Variants in RARB observed in about 807,000 individuals in gnomAD.
The protein encoded by RARB is retinoic acid receptor beta.
Under a neutral mutation model 51.9 loss-of-function variants are expected in RARB, and 17 were observed. That is an observed-to-expected ratio of 0.33 (90% CI 0.22 to 0.49). The LOEUF (loss-of-function observed/expected upper bound fraction) is 0.49. Ranked by LOEUF, RARB falls within the 20% of genes least tolerant of loss-of-function variation. RARB has a pLI of 0.99. For missense variants in RARB, 369 were observed against 550.8 expected (o/e 0.67, Z 3.30); for synonymous variants, 215 against 195.4 (o/e 1.10, Z -0.84).
Position 25,476,298 on chromosome 3 carries a change from A to G in RARB, c.306+14957A>G, listed in dbSNP as rs1026790351. 2.0e-5 allele frequency among the ~76,000 whole-genome samples: 3 copies of G among 152,260 alleles called. No homozygotes were observed. The South Asian group carries it at 6.2e-4, about 32-fold the overall frequency. Reference sequence around the variant, plus strand: ...AATGATTTTTTGTTTTCCCATAACCATGTGGTTCTCAGTGTACTTGTCTTG... The same window carrying G: ...AATGATTTTTTGTTTTCCCATAACCGTGTGGTTCTCAGTGTACTTGTCTTG... On this transcript the variant is annotated intron_variant, in intron 2 of 7. Coordinates refer to ENST00000330688, the MANE Select transcript of RARB (RefSeq NM_000965.5).
chr3:25,516,598 A>G (rs1471030719), intron 3 of RARB, among the ~76,000 whole-genome samples: 3 of 150,142 alleles, frequency 2.0e-5, no homozygotes, highest in Non-Finnish European at 4.4e-5. Flanking sequence ...TGTGAGTTCT[A>G]GATTTATCAA....
rs1415782124 is a variant in RARB, at chr3:25,428,500, C to T, written c.-232C>T. On this transcript the variant is annotated 5_prime_UTR_variant, in exon 1 of 8. Transcript: ENST00000330688. ...GGATCTTTCTGGGAACCCCCCGCCC[C>T]GGCTGGATTGGCCGAGCAAGCCTGG... 5.5e-6 allele frequency: 7 copies of T among 1,266,380 alleles called. No individual in the cohort carries two copies. The East Asian group carries it at 1.5e-4, about 27-fold the overall frequency. The allele number at this position is 1,266,380 out of a possible 1,614,324, so 78.4% of individuals were successfully genotyped here. A position where few individuals can be genotyped will look rare whatever the true frequency, so the allele number is the denominator to read the frequency against.
intron 2 of RARB, among the ~76,000 whole-genome samples, chr3:24,945,552 T>C (rs918209023): frequency 6.6e-6 from 1 of 152,234 alleles, no homozygotes; most frequent in Non-Finnish European, 1.5e-5. Context: ...TGTGATTCTT[T>C]CTCTGGGTGT....
intron 2 of RARB, among the ~76,000 whole-genome samples, chr3:25,040,036 T>C (rs898472559): frequency 1.3e-5 from 2 of 152,198 alleles, no homozygotes; most frequent in South Asian, 2.1e-4. Context: ...TCTCCTGATA[T>C]CCTGAAGGTG....
At chr3:25,157,233 C>G (rs976146174) in intron 4 of RARB, among the ~76,000 whole-genome samples, 1 of 151,946 alleles carries the variant, frequency 6.6e-6, no homozygotes, top group African/African-American at 2.4e-5. Context: ...CTTAAACATG[C>G]TTAAACTTAT....
chr3:25,289,847 G>A lies in RARB; in HGVS notation c.178+115272G>A, dbSNP rs544610451. On this transcript the variant is annotated intron_variant, in intron 5 of 11. Coordinates refer to the RARB transcript ENST00000383772. The stretch of plus-strand genomic sequence containing the variant: ...AATCAACCAAAGGATTAATTTTCCA[G>A]CCACCAGTAAACAGTTCTTAACCGG... Among the ~76,000 whole-genome samples, 6 of 152,280 alleles carry A rather than the reference G, an allele frequency of 3.9e-5. No homozygotes were observed. In the East Asian group the frequency reaches 1.2e-3, roughly 29 times the overall value.
At chr3:25,479,934 C>G (rs1696145543) in intron 2 of RARB, among the ~76,000 whole-genome samples, 1 of 152,178 alleles carries the variant, frequency 6.6e-6, no homozygotes, top group African/African-American at 2.4e-5. Context: ...TTGAATGACC[C>G]ACAAAATGCC....
chr3:25,543,507 C>T (rs1269052544), intron 3 of RARB, among the ~76,000 whole-genome samples: 1 of 152,036 alleles, frequency 6.6e-6, no homozygotes, highest in Non-Finnish European at 1.5e-5. Context: ...CTTGGAGGGG[C>T]AATGTGGCAA....
intron 5 of RARB, among the ~76,000 whole-genome samples, chr3:25,194,405 G>A (rs1205160294): frequency 6.6e-6 from 1 of 151,148 alleles, no homozygotes; most frequent in Non-Finnish European, 1.5e-5. Flanking sequence ...ACACAAAAAG[G>A]TATCTATGGA....
chr3:24,869,268 C>G (rs1462058511), intron 2 of RARB, among the ~76,000 whole-genome samples: 1 of 152,044 alleles, frequency 6.6e-6, no homozygotes, highest in Non-Finnish European at 1.5e-5. Flanking sequence ...CAAATCTGGT[C>G]AACTTTAGTA....
chr3:25,211,484 T>C (rs1701696822), intron 5 of RARB, among the ~76,000 whole-genome samples: 1 of 152,246 alleles, frequency 6.6e-6, no homozygotes, highest in Non-Finnish European at 1.5e-5. Flanking sequence ...ATTATAGTCC[T>C]GTGGAAATTT....
intron 4 of RARB, among the ~76,000 whole-genome samples, chr3:25,144,182 T>C (rs1214177928): frequency 6.6e-6 from 1 of 152,138 alleles, no homozygotes; most frequent in Non-Finnish European, 1.5e-5. Context: ...CTTGCAGGGA[T>C]GAATTAGATA....
intron 1 of RARB, among the ~76,000 whole-genome samples, chr3:25,440,644 G>A (rs114165336): frequency 0.028 from 4,224 of 151,816 alleles, 73 homozygotes; most frequent in Middle Eastern, 0.079. Flanking sequence ...GGTGGTGCCC[G>A]CGCCTGTAGT....
At chr3:25,464,374 C>T (rs1402012381) in intron 2 of RARB, among the ~76,000 whole-genome samples, 3 of 152,104 alleles carry the variant, frequency 2.0e-5, no homozygotes, top group Non-Finnish European at 4.4e-5. Context: ...AAACCCATAC[C>T]GGCACAAACA....
intron 1 of RARB, among the ~76,000 whole-genome samples, chr3:25,439,518 G>A (rs375415556): frequency 1.3e-3 from 203 of 152,138 alleles, no homozygotes; most frequent in African/African-American, 4.7e-3. Flanking sequence ...CAATCCTCCC[G>A]CCTCAGCCTC....
chr3:24,874,705 G>A (rs1703009617), intron 2 of RARB, among the ~76,000 whole-genome samples: 1 of 150,694 alleles, frequency 6.6e-6, no homozygotes, highest in Non-Finnish European at 1.5e-5. Flanking sequence ...TTTTTTCTGA[G>A]TAAATGTCAT....
At chr3:25,290,654 A>G (rs1334803475) in intron 5 of RARB, among the ~76,000 whole-genome samples, 1 of 152,230 alleles carries the variant, frequency 6.6e-6, no homozygotes, top group Non-Finnish European at 1.5e-5. Context: ...AAAAAGGTTC[A>G]GGAGTCAGAA....
chr3:25,185,711 T>G (rs1396344795), intron 5 of RARB, among the ~76,000 whole-genome samples: 1 of 152,164 alleles, frequency 6.6e-6, no homozygotes, highest in African/African-American at 2.4e-5. Flanking sequence ...ATAAAGTGAC[T>G]TTCATAGCCA....
At chr3:25,457,438 A>T (rs1024591774) in intron 1 of RARB, among the ~76,000 whole-genome samples, 1 of 152,218 alleles carries the variant, frequency 6.6e-6, no homozygotes. Context: ...ACCACCACCT[A>T]AATAAAAGGC....
Sources: allele counts gnomAD v4.1 joint callset (sites outside exome capture counted in the v4.1 genomes callset), GRCh38; gene constraint gnomAD v4.1.1; transcripts MANE v1.5; gene names NCBI Gene and HGNC (gene_info 2026-07-23, HGNC 2026-07-21).